HYCC2: variants seen among roughly 807,000 people sequenced by gnomAD.
HYCC2 encodes hyccin 2.
At chr2:200,991,751 T>A in the HYCC2 span, among the ~76,000 whole-genome samples, 2 of 119,064 alleles carry the variant, frequency 1.7e-5, no homozygotes, top group African/African-American at 9.2e-5. Flanking sequence ...AAAATAAAAA[T>A]AAAAAATTTA....
chr2:201,023,661 C>A, the HYCC2 span: 2 of 204,888 alleles, frequency 9.8e-6, no homozygotes, highest in Non-Finnish European at 1.9e-5. Flanking sequence ...ATTTTTGTGC[C>A]TTATTAAAGC....
At chr2:201,005,379 A>G in the HYCC2 span, among the ~76,000 whole-genome samples, 15 of 152,208 alleles carry the variant, frequency 9.9e-5, no homozygotes, top group Middle Eastern at 3.4e-3. Flanking sequence ...GTATTACTAC[A>G]CTTTTTTCCC....
chr2:201,021,799 C>A, the HYCC2 span: 9 of 288,822 alleles, frequency 3.1e-5, no homozygotes, highest in Non-Finnish European at 5.5e-5. Context: ...ACAAAGAATT[C>A]TGAAAACTCT....
At chr2:200,993,987 T>A in the HYCC2 span, among the ~76,000 whole-genome samples, 48 of 151,560 alleles carry the variant, frequency 3.2e-4, no homozygotes, top group Admixed American at 2.2e-3. Context: ...AATAAATAAA[T>A]AAATAAAAAT....
chr2:201,060,911 T>C, the HYCC2 span, among the ~76,000 whole-genome samples: 2 of 152,164 alleles, frequency 1.3e-5, no homozygotes, highest in Non-Finnish European at 2.9e-5. Flanking sequence ...TGGATGGATG[T>C]TTAGAGTACT....
chr2:201,004,681 G>A, the HYCC2 span, among the ~76,000 whole-genome samples: 7 of 152,170 alleles, frequency 4.6e-5, no homozygotes, highest in African/African-American at 1.7e-4. Flanking sequence ...CATATGGACT[G>A]CTTAGCTACA....
At chr2:201,003,805 CTTTTTTTT>C in the HYCC2 span, among the ~76,000 whole-genome samples, 6 of 66,368 alleles carry the variant, frequency 9.0e-5, 1 homozygote, top group South Asian at 2.9e-3. Flanking sequence ...GTTGTTGTTG[CTTTTTTTT>C]TTTTTTTTTT....
At chr2:201,060,057 G>A in the HYCC2 span, among the ~76,000 whole-genome samples, 2 of 132,554 alleles carry the variant, frequency 1.5e-5, no homozygotes, top group African/African-American at 3.5e-5. Flanking sequence ...AAAAAAGCGG[G>A]GGGGGGGGGG....
At chr2:201,063,334 A>T in the HYCC2 span, 70 of 1,546,836 alleles carry the variant, frequency 4.5e-5, 1 homozygote, top group Admixed American at 1.1e-3. Context: ...TGGATGGAAG[A>T]GTCGTGGAAC....
At chr2:201,000,835 G>A in the HYCC2 span, among the ~76,000 whole-genome samples, 1 of 150,674 alleles carries the variant, frequency 6.6e-6, no homozygotes, top group Non-Finnish European at 1.5e-5. Flanking sequence ...GTGGTATTAA[G>A]AGGGTGGGGC....
chr2:201,017,100 G>A, the HYCC2 span: 2 of 1,614,024 alleles, frequency 1.2e-6, no homozygotes, highest in Non-Finnish European at 1.7e-6. Flanking sequence ...GAACTGCAGT[G>A]TGAACCTCTT....
the HYCC2 span, among the ~76,000 whole-genome samples, chr2:201,065,408 C>T: frequency 6.6e-6 from 1 of 152,176 alleles, no homozygotes; most frequent in African/African-American, 2.4e-5. Flanking sequence ...AGAATTCACA[C>T]AGGTTTTTAT....
At chr2:201,029,271 C>T in the HYCC2 span, among the ~76,000 whole-genome samples, 1 of 152,138 alleles carries the variant, frequency 6.6e-6, no homozygotes, top group Admixed American at 6.5e-5. Flanking sequence ...CATCTTACAC[C>T]AGTTAGAATG....
chr2:200,992,507 T>C, the HYCC2 span: 1 of 680,404 alleles, frequency 1.5e-6, no homozygotes, highest in African/African-American at 1.8e-5. Flanking sequence ...ATTTATAAAC[T>C]ATCCCACTTT....
chr2:201,045,567 T>C, the HYCC2 span: 1 of 398,120 alleles, frequency 2.5e-6, no homozygotes, highest in Non-Finnish European at 4.4e-6. Context: ...GGGAATTCAT[T>C]TGTTAAGAGT....
chr2:201,004,700 G>A, the HYCC2 span, among the ~76,000 whole-genome samples: 1 of 152,150 alleles, frequency 6.6e-6, no homozygotes, highest in East Asian at 1.9e-4. Context: ...CATTTTTGGA[G>A]CAAGAAACAC....
At chr2:201,059,303 T>C in the HYCC2 span, among the ~76,000 whole-genome samples, 3 of 152,186 alleles carry the variant, frequency 2.0e-5, no homozygotes, top group Non-Finnish European at 4.4e-5. Context: ...TGAATATAGT[T>C]CCTGACTTGT....
At chr2:201,055,800 C>A in the HYCC2 span, among the ~76,000 whole-genome samples, 4 of 151,532 alleles carry the variant, frequency 2.6e-5, no homozygotes, top group African/African-American at 4.9e-5. Context: ...GTGGCTTATG[C>A]CTGTAATCCT....
chr2:201,005,203 G>A, the HYCC2 span, among the ~76,000 whole-genome samples: 1 of 152,080 alleles, frequency 6.6e-6, no homozygotes, highest in Non-Finnish European at 1.5e-5. Flanking sequence ...TGGCTTATAG[G>A]CCTTCATGAC....
Sources: allele counts gnomAD v4.1 joint callset (sites outside exome capture counted in the v4.1 genomes callset), GRCh38; gene constraint gnomAD v4.1.1; transcripts MANE v1.5; gene names NCBI Gene and HGNC (gene_info 2026-07-23, HGNC 2026-07-21).